ADGRA3: variants seen among roughly 807,000 people sequenced by gnomAD.
The protein encoded by ADGRA3 is G-protein coupled receptor 125.
A neutral mutation model predicts 119.8 loss-of-function variants in ADGRA3; 56 were observed. The ratio of observed to expected loss-of-function variants is 0.47; its 90% CI spans 0.38 to 0.58. The LOEUF (loss-of-function observed/expected upper bound fraction) is 0.58, where lower values mean the gene tolerates loss of function less well. ADGRA3 is among the 20% of genes least tolerant of loss of function. The pLI is 0.00. For synonymous variants in ADGRA3, 607 were observed against 623.8 expected, an observed-to-expected ratio of 0.97 and a Z score of 0.40; for missense variants, 1,516 against 1,649.0, an observed-to-expected ratio of 0.92 and a Z score of 1.40.
chr4:22,444,767 A>G (rs1355792520), intron 6 of ADGRA3, among the ~76,000 whole-genome samples: 1 of 151,810 alleles, frequency 6.6e-6, no homozygotes, highest in Non-Finnish European at 1.5e-5. Flanking sequence ...AAAAACAGCT[A>G]CCTTAAAGAC....
intron 12 of ADGRA3, among the ~76,000 whole-genome samples, chr4:22,416,264 G>C (rs549388966): frequency 1.1e-3 from 169 of 152,102 alleles, no homozygotes; most frequent in Non-Finnish European, 2.1e-3. Context: ...TAAAATATAT[G>C]GATTATATCA....
intron 2 of ADGRA3, among the ~76,000 whole-genome samples, chr4:22,463,034 CTGTT>C (rs1717527533): frequency 6.6e-6 from 1 of 152,198 alleles, no homozygotes; most frequent in Non-Finnish European, 1.5e-5. Flanking sequence ...TCAGCTGGGT[CTGTT>C]TGTCAAGACT....
intron 1 of ADGRA3, among the ~76,000 whole-genome samples, chr4:22,510,075 C>T (rs1389184271): frequency 6.7e-6 from 1 of 150,188 alleles, no homozygotes. Context: ...AAGCTTAGAA[C>T]TCCAAACCAC....
intron 1 of ADGRA3, among the ~76,000 whole-genome samples, chr4:22,491,271 G>A (rs1342317071): frequency 1.3e-5 from 2 of 152,126 alleles, no homozygotes; most frequent in Non-Finnish European, 2.9e-5. Flanking sequence ...GGTGCCAGAC[G>A]GCAAATACTT....
intron 9 of ADGRA3, 51 bp downstream of exon 9, chr4:22,436,389 A>T (rs1259145211): frequency 1.3e-5 from 18 of 1,417,702 alleles, no homozygotes; most frequent in Non-Finnish European, 1.8e-5. Context: ...ATTTGGTTTG[A>T]ATACCATGTT....
At chr4:22,420,784 CAA>C in intron 12 of ADGRA3, 100 bp downstream of exon 12, 7 of 1,046,910 alleles carry the variant, frequency 6.7e-6, no homozygotes, top group Admixed American at 2.1e-5. Context: ...TATCTTCCTG[CAA>C]AAAAAAAATC....
chr4:22,467,189 G>C (rs1326407291), intron 2 of ADGRA3, among the ~76,000 whole-genome samples: 1 of 152,070 alleles, frequency 6.6e-6, no homozygotes, highest in Non-Finnish European at 1.5e-5. Context: ...TGTTGAACTG[G>C]GTAAGTAAAT....
chr4:22,429,242 A>G (rs1377437172), intron 10 of ADGRA3, among the ~76,000 whole-genome samples: 1 of 152,262 alleles, frequency 6.6e-6, no homozygotes, highest in East Asian at 1.9e-4. Context: ...AAATGAGATT[A>G]CAAACACGTA....
chr4:22,393,581 CAA>C (rs1210582689), intron 16 of ADGRA3: 1 of 152,102 alleles, frequency 6.6e-6, no homozygotes, highest in Non-Finnish European at 1.5e-5. Context: ...GTGATCTGAG[CAA>C]AGTCACGTAA....
In ADGRA3 at chr4:22,389,203, G is replaced by C; in HGVS notation, c.2628-20C>G. 1 of 1,496,006 alleles carries C rather than the reference G, an allele frequency of 6.7e-7. No individual in the cohort carries two copies. Among genetic ancestry groups the C allele is most frequent in the Non-Finnish European group, 9.3e-7 (1 of 1,073,620 alleles). 92.7% of individuals were successfully genotyped at this position (1,496,006 alleles called of 1,614,324 possible). A position where few individuals can be genotyped will look rare whatever the true frequency, so the allele number is the denominator to read the frequency against. ...TAAAATCTAGAAGGAGGAATCACAG[G>C]AAAAACCACTCATCATTCCATTTCT... On this transcript the variant is annotated intron_variant, in intron 17 of 18. Coordinates refer to ENST00000334304, the MANE Select transcript of ADGRA3 (RefSeq NM_145290.4).
intron 10 of ADGRA3, among the ~76,000 whole-genome samples, chr4:22,424,731 C>G (rs1459563566): frequency 6.6e-6 from 1 of 152,188 alleles, no homozygotes; most frequent in Admixed American, 6.5e-5. Flanking sequence ...ATAAACACTT[C>G]CTTTTTGTGC....
intron 16 of ADGRA3, among the ~76,000 whole-genome samples, chr4:22,395,385 G>A (rs772406651): frequency 6.6e-5 from 10 of 152,160 alleles, no homozygotes; most frequent in Non-Finnish European, 1.3e-4. Context: ...TGATGAATAT[G>A]TAAACAATTA....
chr4:22,463,303 TCCAGGG>T (rs1349229735), intron 2 of ADGRA3, among the ~76,000 whole-genome samples: 3 of 152,152 alleles, frequency 2.0e-5, no homozygotes, highest in Non-Finnish European at 2.9e-5. Flanking sequence ...AACCAGTACC[TCCAGGG>T]TTCCTTAGTC....
At chr4:22,469,451 T>C (rs1029513469) in intron 2 of ADGRA3, among the ~76,000 whole-genome samples, 4 of 152,212 alleles carry the variant, frequency 2.6e-5, no homozygotes, top group Admixed American at 6.5e-5. Flanking sequence ...TCGGACCAAC[T>C]GGTGCTTGAC....
intron 3 of ADGRA3, among the ~76,000 whole-genome samples, chr4:22,456,193 C>T (rs1717229074): frequency 6.6e-6 from 1 of 151,956 alleles, no homozygotes; most frequent in Non-Finnish European, 1.5e-5. Flanking sequence ...TGTTTTTTTT[C>T]CTTGACTATT....
intron 3 of ADGRA3, among the ~76,000 whole-genome samples, chr4:22,459,775 CTCCCTGATCTTTTG>C (rs1180433267): frequency 6.6e-6 from 1 of 152,196 alleles, no homozygotes; most frequent in Non-Finnish European, 1.5e-5. Flanking sequence ...TCTGGTCTCT[CTCCCTGATCTTTTG>C]TCCCTGGTCT....
intron 4 of ADGRA3, among the ~76,000 whole-genome samples, chr4:22,452,641 G>A (rs768117941): frequency 2.6e-5 from 4 of 152,126 alleles, no homozygotes; most frequent in Non-Finnish European, 4.4e-5. Flanking sequence ...AGTTCTTGAC[G>A]AAGAAGGCAA....
At chr4:22,447,635 A>G (rs748626268) in intron 4 of ADGRA3, 124 bp from the exon 5 acceptor site, 45 of 549,972 alleles carry the variant, frequency 8.2e-5, no homozygotes, top group African/African-American at 4.1e-4. Context: ...GAAAGTTTCA[A>G]TGCTTATAAA....
At chr4:22,405,238 G>A (rs7680253) in intron 14 of ADGRA3, among the ~76,000 whole-genome samples, 118,378 of 152,098 alleles carry the variant, frequency 0.78, 46,340 homozygotes, top group East Asian at 0.96. Flanking sequence ...TTCAAGTTTA[G>A]AAGAAATCAG....
Sources: gnomAD v4.1 joint callset for allele counts (sites outside exome capture counted in the v4.1 genomes callset) on GRCh38, gnomAD v4.1.1 for gene constraint, MANE v1.5 for transcripts, NCBI Gene and HGNC (gene_info 2026-07-23, HGNC 2026-07-21) for gene names.